The following SDHAF3 variants were observed in gnomAD, a reference collection of about 807,000 sequenced individuals.
SDHAF3 encodes succinate dehydrogenase complex assembly factor 3.
In SDHAF3, 18 loss-of-function variants were observed where a neutral mutation model predicts 11.5. The observed-to-expected ratio is 1.56, with a 90% CI of 1.08 to 2.32. The LOEUF (loss-of-function observed/expected upper bound fraction) is 2.32, where lower values mean the gene tolerates loss of function less well. Ranked by LOEUF, SDHAF3 falls within the 30% of genes most tolerant of loss-of-function variation. The pLI is 0.00. For synonymous variants in SDHAF3, 72 were observed against 59.3 expected, an observed-to-expected ratio of 1.21 and a Z score of -0.99; for missense variants, 200 against 154.4, an observed-to-expected ratio of 1.30 and a Z score of -1.57.
rs73708861 is a variant in SDHAF3 at position 97,129,379 on chromosome 7, T to C, written c.174+11482T>C. Among the ~76,000 whole-genome samples, 849 of 152,312 alleles carry C rather than the reference T, an allele frequency of 5.6e-3. 9 individuals are homozygous for C. The highest frequency in any genetic ancestry group is 0.019 in the African/African-American group (779 of 41,572). Reference sequence around the variant, plus strand: ...GAACTGTGGCCTCCTGTGTCTGCTTTGGTTCATTATTTACACTGTTCTGCT... The same window carrying C: ...GAACTGTGGCCTCCTGTGTCTGCTTCGGTTCATTATTTACACTGTTCTGCT... On this transcript the variant is annotated intron_variant, in intron 1 of 1. Coordinates refer to ENST00000432641, the MANE Select transcript of SDHAF3 (RefSeq NM_020186.3).
At chr7:97,160,138 C>T (rs1238896361) in intron 1 of SDHAF3, among the ~76,000 whole-genome samples, 14 of 144,700 alleles carry the variant, frequency 9.7e-5, no homozygotes, top group African/African-American at 2.6e-4. Context: ...TGTCTCTGCC[C>T]GGCCGCCCCG....
chr7:97,180,019 T>G (rs73233843), intron 1 of SDHAF3, among the ~76,000 whole-genome samples: 26,436 of 152,226 alleles, frequency 0.17, 2,911 homozygotes, highest in Non-Finnish European at 0.25. Context: ...TTTGGCACTT[T>G]GTCTGCTTAA....
intron 1 of SDHAF3, among the ~76,000 whole-genome samples, chr7:97,155,804 TTATATA>T (rs1460834146): frequency 6.6e-6 from 1 of 151,926 alleles, no homozygotes. Flanking sequence ...GCATATATAT[TTATATA>T]TATTATAAAT....
intron 1 of SDHAF3, among the ~76,000 whole-genome samples, chr7:97,155,824 G>A (rs1789293011): frequency 6.6e-6 from 1 of 151,854 alleles, no homozygotes; most frequent in South Asian, 2.1e-4. Flanking sequence ...TATAAATTCT[G>A]AACTGTCTTA....
intron 1 of SDHAF3, among the ~76,000 whole-genome samples, chr7:97,166,052 C>G (rs910120740): frequency 6.6e-6 from 1 of 152,178 alleles, no homozygotes; most frequent in Non-Finnish European, 1.5e-5. Context: ...TGAACTGAGT[C>G]TTGACATCTT....
At chr7:97,142,635 T>C (rs542831185) in intron 1 of SDHAF3, 2 of 152,260 alleles carry the variant, frequency 1.3e-5, no homozygotes, top group South Asian at 4.1e-4. Context: ...CAAGTTAAAG[T>C]AGCTTAATAC....
chr7:97,131,219 G>C (rs1317442477), intron 1 of SDHAF3, among the ~76,000 whole-genome samples: 4 of 152,138 alleles, frequency 2.6e-5, no homozygotes, highest in African/African-American at 7.2e-5. Context: ...TTGCTTGTTT[G>C]CTTGTTACAA....
intron 1 of SDHAF3, among the ~76,000 whole-genome samples, chr7:97,135,920 C>G (rs988330427): frequency 8.6e-5 from 13 of 151,740 alleles, no homozygotes; most frequent in African/African-American, 2.7e-4. Context: ...ATCTCCTGAC[C>G]TCGTGATCCG....
At position 97,139,311 on chromosome 7, in the gene SDHAF3, C is replaced by G. The variant is rs139572991; in HGVS notation, c.174+21414C>G. ...CCCCCACCTGAAGGTGGGTAGTCCC[C>G]CACACCCGGAGATGGGCAGTTCCAA... On this transcript the variant is annotated intron_variant, in intron 1 of 1. Coordinates refer to ENST00000432641, the MANE Select transcript of SDHAF3 (RefSeq NM_020186.3). Among the ~76,000 whole-genome samples, 403 of 152,230 alleles carry G rather than the reference C, an allele frequency of 2.6e-3. 4 individuals are homozygous for G. Among genetic ancestry groups the G allele is most frequent in the African/African-American group, 9.3e-3 (385 of 41,550 alleles).
chr7:97,126,975 A>G (rs570703806), intron 1 of SDHAF3, among the ~76,000 whole-genome samples: 48 of 152,312 alleles, frequency 3.2e-4, no homozygotes, highest in African/African-American at 1.2e-3. Context: ...GATTACAAAA[A>G]TCATGGGAAA....
intron 1 of SDHAF3, among the ~76,000 whole-genome samples, chr7:97,121,116 AT>A (rs987563158): frequency 6.6e-6 from 1 of 152,242 alleles, no homozygotes. Context: ...TAAAATGTGC[AT>A]TGTAATCTCA....
intron 1 of SDHAF3, among the ~76,000 whole-genome samples, chr7:97,170,731 A>C (rs1336851020): frequency 6.6e-6 from 1 of 151,950 alleles, no homozygotes; most frequent in African/African-American, 2.4e-5. Context: ...TGGGAGTCAC[A>C]GGTGAATCTT....
chr7:97,119,957 A>G (rs1418785619), intron 1 of SDHAF3, among the ~76,000 whole-genome samples: 1 of 152,214 alleles, frequency 6.6e-6, no homozygotes, highest in East Asian at 1.9e-4. Context: ...CTTACTGGTG[A>G]TGATAACTGT....
At chr7:97,148,014 A>G (rs1789162364) in intron 1 of SDHAF3, among the ~76,000 whole-genome samples, 1 of 151,806 alleles carries the variant, frequency 6.6e-6, no homozygotes, top group Non-Finnish European at 1.5e-5. Context: ...AGCAATTCTC[A>G]TACCTCAGCC....
chr7:97,161,569 G>A (rs771263187), intron 1 of SDHAF3, among the ~76,000 whole-genome samples: 3 of 152,136 alleles, frequency 2.0e-5, no homozygotes, highest in Non-Finnish European at 2.9e-5. Flanking sequence ...TTCTCCTAAT[G>A]CTATCCCTCC....
intron 1 of SDHAF3, among the ~76,000 whole-genome samples, chr7:97,173,072 G>T (rs1031398410): frequency 6.6e-6 from 1 of 152,144 alleles, no homozygotes; most frequent in African/African-American, 2.4e-5. Context: ...TCACAATAGG[G>T]TTCATGCTCC....
intron 1 of SDHAF3, among the ~76,000 whole-genome samples, chr7:97,129,956 G>A (rs914020137): frequency 3.3e-5 from 5 of 152,148 alleles, no homozygotes; most frequent in Admixed American, 2.0e-4. Context: ...GGCTTCGTGC[G>A]AGGCTGTGGC....
chr7:97,168,633 A>G (rs1323153751), intron 1 of SDHAF3, among the ~76,000 whole-genome samples: 4 of 152,122 alleles, frequency 2.6e-5, no homozygotes, highest in African/African-American at 9.7e-5. Flanking sequence ...TGGGCTAATG[A>G]AGATGGAAAA....
intron 1 of SDHAF3, among the ~76,000 whole-genome samples, chr7:97,161,337 T>G (rs773415771): frequency 6.6e-6 from 1 of 152,154 alleles, no homozygotes; most frequent in African/African-American, 2.4e-5. Context: ...TCAGCAAGCA[T>G]CTATATAGTC....
Sources: gnomAD v4.1 joint callset for allele counts (sites outside exome capture counted in the v4.1 genomes callset) on GRCh38, gnomAD v4.1.1 for gene constraint, MANE v1.5 for transcripts, NCBI Gene and HGNC (gene_info 2026-07-23, HGNC 2026-07-21) for gene names.